The following HMGCLL1 variants were observed in gnomAD, a reference collection of about 807,000 sequenced individuals.
The protein encoded by HMGCLL1 is 3-hydroxymethyl-3-methylglutaryl-CoA lyase, cytoplasmic.
HMGCLL1 carries 36 observed loss-of-function variants against 39.1 expected under a neutral mutation model. That is an observed-to-expected ratio of 0.92 (90% confidence interval 0.71 to 1.22). HMGCLL1 has a LOEUF of 1.22. Ranked by LOEUF, HMGCLL1 falls within the 50% of genes most tolerant of loss-of-function variation. The pLI is 0.00. For missense variants in HMGCLL1, 451 were observed against 416.5 expected (o/e 1.08, Z -0.72); for synonymous variants, 149 against 144.0 (o/e 1.03, Z -0.25).
At chr6:55,525,358 T>C (rs975090400) in intron 3 of HMGCLL1, among the ~76,000 whole-genome samples, 5 of 151,986 alleles carry the variant, frequency 3.3e-5, no homozygotes, top group Non-Finnish European at 5.9e-5. Flanking sequence ...TGAAATTAGG[T>C]CCCTTCAAAT....
chr6:55,481,334 C>T (rs3922414), intron 7 of HMGCLL1, among the ~76,000 whole-genome samples: 18 of 152,030 alleles, frequency 1.2e-4, no homozygotes, highest in African/African-American at 4.3e-4. Flanking sequence ...GCTATCCAGC[C>T]TGGGTGACAA....
At chr6:55,583,719 A>G (rs528330310), upstream of HMGCLL1, among the ~76,000 whole-genome samples, 1 of 152,088 alleles carries the variant, frequency 6.6e-6, no homozygotes, top group Non-Finnish European at 1.5e-5. Context: ...TTATTTTTCT[A>G]TAGGAATCTT....
At chr6:55,478,770 G>T (rs1765585197) in intron 7 of HMGCLL1, among the ~76,000 whole-genome samples, 1 of 151,292 alleles carries the variant, frequency 6.6e-6, no homozygotes, top group Non-Finnish European at 1.5e-5. Context: ...GTAGTGGACA[G>T]CTTGTTGATC....
intron 1 of HMGCLL1, among the ~76,000 whole-genome samples, chr6:55,552,137 A>G (rs1770366315): frequency 6.6e-6 from 1 of 151,960 alleles, no homozygotes. Context: ...AAACAAACAC[A>G]CACAAAAAAG....
intron 7 of HMGCLL1, among the ~76,000 whole-genome samples, chr6:55,488,660 G>A (rs1456305813): frequency 1.3e-5 from 2 of 151,956 alleles, no homozygotes; most frequent in Non-Finnish European, 2.9e-5. Context: ...ACTTCTAGAA[G>A]AGGGTTCCAA....
chr6:55,568,175 T>C (rs1264675674), intron 1 of HMGCLL1, among the ~76,000 whole-genome samples: 3 of 152,298 alleles, frequency 2.0e-5, no homozygotes, highest in Admixed American at 6.5e-5. Flanking sequence ...AATTGGCTTA[T>C]AAATATGGCT....
chr6:55,458,263 C>T (rs1242786342), intron 7 of HMGCLL1, among the ~76,000 whole-genome samples: 5 of 151,950 alleles, frequency 3.3e-5, no homozygotes, highest in African/African-American at 7.3e-5. Context: ...CTAGGTGCCA[C>T]GTATACAGTA....
At chr6:55,565,839 T>C (rs1771185501) in intron 1 of HMGCLL1, among the ~76,000 whole-genome samples, 1 of 152,106 alleles carries the variant, frequency 6.6e-6, no homozygotes, top group African/African-American at 2.4e-5. Context: ...TAACTATATC[T>C]GTTTCTCCAA....
the HMGCLL1 span, among the ~76,000 whole-genome samples, chr6:55,594,184 T>A: frequency 6.6e-6 from 1 of 152,200 alleles, no homozygotes; most frequent in Non-Finnish European, 1.5e-5. Flanking sequence ...TATAAAAAAA[T>A]TTGAATCTAA....
chr6:55,518,828 T>C lies in HMGCLL1; in HGVS notation c.298-2225A>G, dbSNP rs148970656. Among the ~76,000 whole-genome samples, 452 of 152,224 alleles carry C rather than the reference T, an allele frequency of 3.0e-3. 2 individuals are homozygous for C. Among genetic ancestry groups the C allele is most frequent in the African/African-American group, 9.2e-3 (382 of 41,542 alleles). ...GTCATCCAGCTGAGGCCCTAGACACTGAAGACCAGACACAACCTGTCCCCC... is the reference window on the plus strand; with the variant it reads ...GTCATCCAGCTGAGGCCCTAGACACCGAAGACCAGACACAACCTGTCCCCC... On this transcript the variant is annotated intron_variant, in intron 3 of 8. Coordinates refer to ENST00000274901, the MANE Select transcript of HMGCLL1 (RefSeq NM_001042406.2).
At chr6:55,545,819 T>C (rs1400206723) in intron 1 of HMGCLL1, among the ~76,000 whole-genome samples, 2 of 152,012 alleles carry the variant, frequency 1.3e-5, no homozygotes, top group Non-Finnish European at 2.9e-5. Context: ...AATACAGAGA[T>C]AGTAATGCTC....
intron 1 of HMGCLL1, among the ~76,000 whole-genome samples, chr6:55,555,460 T>C (rs1007627628): frequency 6.6e-6 from 1 of 152,234 alleles, no homozygotes; most frequent in African/African-American, 2.4e-5. Context: ...TATTTGTTTG[T>C]CTATTTCCTG....
At chr6:55,658,212 G>A in the HMGCLL1 span, among the ~76,000 whole-genome samples, 1 of 151,850 alleles carries the variant, frequency 6.6e-6, no homozygotes, top group African/African-American at 2.4e-5. Flanking sequence ...AATGCCATCT[G>A]GACTTAATCT....
At chr6:55,631,597 G>T in the HMGCLL1 span, among the ~76,000 whole-genome samples, 1 of 151,986 alleles carries the variant, frequency 6.6e-6, no homozygotes, top group Non-Finnish European at 1.5e-5. Flanking sequence ...TAAGCCTCGT[G>T]ATCCTAAACT....
At chr6:55,548,086 G>A (rs1192364799) in intron 1 of HMGCLL1, among the ~76,000 whole-genome samples, 2 of 151,962 alleles carry the variant, frequency 1.3e-5, no homozygotes, top group Non-Finnish European at 2.9e-5. Flanking sequence ...GCAAAAATAA[G>A]TTTGTAATGT....
the HMGCLL1 span, among the ~76,000 whole-genome samples, chr6:55,634,547 A>G: frequency 6.6e-6 from 1 of 152,158 alleles, no homozygotes; most frequent in African/African-American, 2.4e-5. Flanking sequence ...TTCTAAAATG[A>G]CTAAAATGTT....
At chr6:55,506,351 A>G (rs966114250) in intron 5 of HMGCLL1, among the ~76,000 whole-genome samples, 1 of 151,410 alleles carries the variant, frequency 6.6e-6, no homozygotes, top group African/African-American at 2.4e-5. Flanking sequence ...AAAATGATGA[A>G]TCCTTGGAGT....
intron 3 of HMGCLL1, among the ~76,000 whole-genome samples, chr6:55,522,273 T>C (rs1338469683): frequency 6.6e-6 from 1 of 152,018 alleles, no homozygotes; most frequent in Non-Finnish European, 1.5e-5. Context: ...CAAAAAGTTA[T>C]AGGGTGAAAT....
chr6:55,540,362 T>A (rs1300459740), intron 3 of HMGCLL1, among the ~76,000 whole-genome samples: 1 of 152,060 alleles, frequency 6.6e-6, no homozygotes, highest in Non-Finnish European at 1.5e-5. Context: ...TGTGATAATA[T>A]TAAAAAGAAG....
Sources: allele counts gnomAD v4.1 joint callset (sites outside exome capture counted in the v4.1 genomes callset), GRCh38; gene constraint gnomAD v4.1.1; transcripts MANE v1.5; gene names NCBI Gene and HGNC (gene_info 2026-07-23, HGNC 2026-07-21).